The following OPRD1 variants were observed in gnomAD, a reference collection of about 807,000 sequenced individuals.
The protein encoded by OPRD1 is delta-type opioid receptor.
In OPRD1, 19 loss-of-function variants were observed where a neutral mutation model predicts 17.5. The ratio of observed to expected loss-of-function variants is 1.09; its 90% CI spans 0.76 to 1.60. The LOEUF (loss-of-function observed/expected upper bound fraction) is 1.60, where lower values mean the gene tolerates loss of function less well. Among genes scored for constraint, OPRD1 ranks in the 40% most tolerant of loss-of-function variants. OPRD1 has a pLI of 0.00. For synonymous variants in OPRD1, 256 were observed against 240.9 expected (o/e 1.06, Z -0.58); for missense variants, 483 against 547.2 (o/e 0.88, Z 1.17).
chr1:28,862,873 C>G lies in OPRD1; in HGVS notation c.709C>G (p.Leu237Val). 2 of 1,612,496 alleles carry G rather than the reference C, an allele frequency of 1.2e-6. No individual in the cohort carries two copies. The highest frequency in any genetic ancestry group is 1.7e-6 in the Non-Finnish European group (2 of 1,180,018). ...LIITVCYGLMLLRLRSVRLLS... is the reference protein window; with the variant it reads ...LIITVCYGLMVLRLRSVRLLS... ...CATCACCGTGTGCTATGGCCTCATG[C>G]TGCTGCGCCTGCGCAGTGTGCGCCT... Residue 237 changes from leucine to valine, a missense_variant, in exon 3 of 3, where the codon CTG (leucine) becomes GTG (valine). By Grantham distance (32) the Leu-to-Val change is conservative. Transcript: ENST00000234961.
intron 1 of OPRD1, among the ~76,000 whole-genome samples, chr1:28,820,530 A>C (rs1205513853): frequency 6.6e-6 from 1 of 151,636 alleles, no homozygotes; most frequent in Non-Finnish European, 1.5e-5. Context: ...TATCAACTCA[A>C]TATTATAAAT....
intron 1 of OPRD1, 63 bp downstream of exon 1, chr1:28,812,673 C>T: frequency 2.2e-6 from 3 of 1,347,738 alleles, no homozygotes; most frequent in Non-Finnish European, 2.9e-6. Context: ...GGATCACGAA[C>T]TTGAGACCCC....
rs1465687692 is a variant in OPRD1, at chr1:28,863,186, A to G, written c.1022A>G (p.Asp341Gly). Residue 341 changes from aspartate (D) to glycine (G), a missense_variant, in exon 3 of 3, where the codon GAC becomes GGC. Physicochemically the swap from Asp to Gly is moderately conservative, Grantham distance 94. Coordinates refer to ENST00000234961, the MANE Select transcript of OPRD1 (RefSeq NM_000911.4). Reference sequence around the variant, plus strand: ...TGCCGCAAGCCCTGCGGCCGCCCAGACCCCAGCAGCTTCAGCCGCGCCCGC... The same window carrying G: ...TGCCGCAAGCCCTGCGGCCGCCCAGGCCCCAGCAGCTTCAGCCGCGCCCGC... The part of the protein sequence containing the change: ...QLCRKPCGRP[D>G]PSSFSRAREA... 4 of 1,593,960 alleles carry G rather than the reference A, an allele frequency of 2.5e-6. No homozygotes were observed. In the South Asian group the frequency reaches 4.5e-5, roughly 18 times the overall value.
At chr1:28,858,419 T>G (rs2089078715) in intron 1 of OPRD1, among the ~76,000 whole-genome samples, 1 of 151,816 alleles carries the variant, frequency 6.6e-6, no homozygotes, top group Non-Finnish European at 1.5e-5. Flanking sequence ...CGGCCAGGAT[T>G]TTTCTTAAAA....
chr1:28,865,448 A>G lies in OPRD1; in HGVS notation c.*2165A>G, dbSNP rs1416474746. The G allele has an allele frequency of 2.6e-5, 4 of 152,252 alleles. No homozygotes were observed. The highest frequency in any genetic ancestry group is 5.9e-5 in the Non-Finnish European group (4 of 68,062). The allele number at this position is 152,252 out of a possible 1,614,324, so 9.4% of individuals were successfully genotyped here. A position where few individuals can be genotyped will look rare whatever the true frequency, so the allele number is the denominator to read the frequency against. The stretch of plus-strand genomic sequence containing the variant: ...AGGCTGTCACTCCAGCAGGGACTGA[A>G]TAGCATGCAGGGGGCTGGGGACTTA... On this transcript the variant is annotated 3_prime_UTR_variant, in exon 3 of 3. Transcript: ENST00000234961.
chr1:28,815,624 G>A (rs2088666570), intron 1 of OPRD1, among the ~76,000 whole-genome samples: 1 of 152,228 alleles, frequency 6.6e-6, no homozygotes, highest in Non-Finnish European at 1.5e-5. Context: ...AGGGCAGTGG[G>A]GAGAGCGCAG....
rs2089175939 is a variant in OPRD1 at position 28,866,395 on chromosome 1, G to A, written c.*3112G>A. 1 of 152,258 alleles carries A rather than the reference G, an allele frequency of 6.6e-6. No homozygotes were observed. 9.4% of individuals were successfully genotyped at this position (152,258 alleles called of 1,614,324 possible). A position where few individuals can be genotyped will look rare whatever the true frequency, so the allele number is the denominator to read the frequency against. On this transcript the variant is annotated 3_prime_UTR_variant, in exon 3 of 3. Coordinates refer to ENST00000234961, the MANE Select transcript of OPRD1 (RefSeq NM_000911.4). ...GAGGCATGGGGATGTTTAAATGCTT[G>A]GCAAACCCAACAAGTTGGGTGCAGC...
chr1:28,825,767 G>A (rs2088762366), intron 1 of OPRD1, among the ~76,000 whole-genome samples: 2 of 152,230 alleles, frequency 1.3e-5, no homozygotes, highest in South Asian at 4.1e-4. Context: ...CAGGTTCCCT[G>A]GGACAAGGCC....
chr1:28,826,883 A>G (rs1411240222), intron 1 of OPRD1, among the ~76,000 whole-genome samples: 1 of 152,262 alleles, frequency 6.6e-6, no homozygotes, highest in Non-Finnish European at 1.5e-5. Flanking sequence ...AATTGGAGTC[A>G]GTCCTCTCAA....
intron 1 of OPRD1, among the ~76,000 whole-genome samples, chr1:28,819,840 C>A (rs1569602878): frequency 6.6e-6 from 1 of 152,220 alleles, no homozygotes; most frequent in East Asian, 1.9e-4. Context: ...TTGCTGTCTG[C>A]AAATCTCTGA....
chr1:28,831,700 C>G (rs920777627), intron 1 of OPRD1, among the ~76,000 whole-genome samples: 6 of 152,086 alleles, frequency 3.9e-5, no homozygotes, highest in South Asian at 2.1e-4. Flanking sequence ...ACCACCATGC[C>G]TGGCTAATTT....
chr1:28,831,823 C>T (rs902819092), intron 1 of OPRD1, among the ~76,000 whole-genome samples: 4 of 152,210 alleles, frequency 2.6e-5, no homozygotes, highest in Admixed American at 2.6e-4. Flanking sequence ...CAGGCATGAG[C>T]CACCATGCCT....
intron 1 of OPRD1, among the ~76,000 whole-genome samples, chr1:28,853,866 T>C (rs1434177366): frequency 6.6e-6 from 1 of 151,730 alleles, no homozygotes; most frequent in Non-Finnish European, 1.5e-5. Context: ...CTTAGCCTCC[T>C]GAGTAGCTGG....
intron 1 of OPRD1, among the ~76,000 whole-genome samples, chr1:28,857,453 C>CT (rs2089066407): frequency 6.6e-6 from 1 of 151,958 alleles, no homozygotes; most frequent in Admixed American, 6.6e-5. Context: ...AAGTATTTTT[C>CT]TTTTTCTTTT....
At position 28,859,126 on chromosome 1, in the gene OPRD1, A is replaced by G; in HGVS notation, c.400A>G (p.Thr134Ala). The G allele has an allele frequency of 5.0e-6, 8 of 1,614,204 alleles. No individual in the cohort carries two copies. The highest frequency in any genetic ancestry group is 6.8e-6 in the Non-Finnish European group (8 of 1,180,046). ...CTCCATCGACTACTACAATATGTTC[A>G]CCAGCATCTTCACGCTCACCATGAT... ...VLSIDYYNMF[T>A]SIFTLTMMSV... is the part of the protein sequence containing the mutation. Residue 134 changes from threonine to alanine, a missense_variant, in exon 2 of 3, where the codon ACC (threonine) becomes GCC (alanine). Transcript: ENST00000234961.
intron 1 of OPRD1, among the ~76,000 whole-genome samples, chr1:28,828,200 C>T (rs2088781495): frequency 6.6e-6 from 1 of 152,134 alleles, no homozygotes; most frequent in Non-Finnish European, 1.5e-5. Flanking sequence ...GATCCGTGGG[C>T]TACAGAATGG....
In OPRD1 at chr1:28,866,376, T is replaced by G. The variant is rs918151265; in HGVS notation, c.*3093T>G. 6.6e-6 allele frequency: 1 copy of G among 152,162 alleles called. No homozygotes were observed. Among genetic ancestry groups the G allele is most frequent in the Non-Finnish European group, 1.5e-5 (1 of 68,038 alleles). The allele number at this position is 152,162 out of a possible 1,614,324, so 9.4% of individuals were successfully genotyped here. ...AGAGGAAATAGCGTGTGCGGAGGCATGGGGATGTTTAAATGCTTGGCAAAC... is the reference window on the plus strand; with the variant it reads ...AGAGGAAATAGCGTGTGCGGAGGCAGGGGGATGTTTAAATGCTTGGCAAAC... On this transcript the variant is annotated 3_prime_UTR_variant, in exon 3 of 3. Coordinates refer to ENST00000234961, the MANE Select transcript of OPRD1 (RefSeq NM_000911.4).
At chr1:28,841,214 C>T (rs1218437386) in intron 1 of OPRD1, among the ~76,000 whole-genome samples, 1 of 152,256 alleles carries the variant, frequency 6.6e-6, no homozygotes, top group African/African-American at 2.4e-5. Context: ...ATAAGTCTGT[C>T]TCTCCCTGAC....
In OPRD1 at chr1:28,851,942, C is replaced by A. The variant is rs190912436; in HGVS notation, c.228-7012C>A. On this transcript the variant is annotated intron_variant, in intron 1 of 2. Transcript: ENST00000234961. Reference sequence around the variant, plus strand: ...CAGCACTTTGGGAGGCTGAGGTGGGCGGATCATGAGGTCAGGAGATGGAGA... The same window carrying A: ...CAGCACTTTGGGAGGCTGAGGTGGGAGGATCATGAGGTCAGGAGATGGAGA... Among the ~76,000 whole-genome samples, 227 of 148,214 alleles carry A rather than the reference C, an allele frequency of 1.5e-3. 1 individual carries two copies. The highest frequency in any genetic ancestry group is 5.3e-3 in the African/African-American group (214 of 40,174).
Sources: allele counts gnomAD v4.1 joint callset (sites outside exome capture counted in the v4.1 genomes callset), GRCh38; gene constraint gnomAD v4.1.1; transcripts MANE v1.5; gene names NCBI Gene and HGNC (gene_info 2026-07-23, HGNC 2026-07-21).